The following LPP variants were observed in gnomAD, a reference collection of about 807,000 sequenced individuals.
LPP encodes lipoma-preferred partner.
A neutral mutation model predicts 60.4 loss-of-function variants in LPP; 38 were observed. The ratio of observed to expected loss-of-function variants is 0.63; its 90% CI spans 0.49 to 0.83. The LOEUF (loss-of-function observed/expected upper bound fraction) is 0.83. Among genes scored for constraint, LPP ranks in the 40% least tolerant of loss-of-function variants. The pLI, the probability that LPP is intolerant of heterozygous loss-of-function variation, is 0.00. For synonymous variants in LPP, 328 were observed against 290.8 expected (o/e 1.13, Z -1.30); for missense variants, 902 against 783.6 (o/e 1.15, Z -1.80).
intron 6 of LPP, among the ~76,000 whole-genome samples, chr3:188,532,438 A>G (rs1041486478): frequency 6.6e-6 from 1 of 152,158 alleles, no homozygotes; most frequent in Non-Finnish European, 1.5e-5. Context: ...CAATCAATCA[A>G]TCAATCAATC....
intron 5 of LPP, among the ~76,000 whole-genome samples, chr3:188,490,019 T>A (rs1301020487): frequency 2.0e-5 from 3 of 152,094 alleles, no homozygotes; most frequent in African/African-American, 7.2e-5. Context: ...AACAGAGGGG[T>A]TTTGTCCATT....
At chr3:188,203,478 T>TATATATTTTTAAATATATATAA (rs1560107202) in intron 1 of LPP, among the ~76,000 whole-genome samples, 14 of 91,080 alleles carry the variant, frequency 1.5e-4, no homozygotes, top group African/African-American at 5.7e-4. Flanking sequence ...TTTTTAAATA[T>TATATATTTTTAAATATATATAA]ATATATATTT....
At chr3:188,157,775 A>T (rs1371060399) in intron 1 of LPP, among the ~76,000 whole-genome samples, 4 of 151,956 alleles carry the variant, frequency 2.6e-5, no homozygotes, top group African/African-American at 9.7e-5. Context: ...GAGAAGGCTC[A>T]CCCTCAGGGA....
In LPP at chr3:188,877,350, T is replaced by C. The variant is rs1453794721; in HGVS notation, c.*2871T>C. ...ATCAGAGTCTATAACAGAAAGTTTG[T>C]AAAAATATACTGATTTTGAAAAGTA... On this transcript the variant is annotated 3_prime_UTR_variant, in exon 12 of 12. Coordinates refer to ENST00000617246, the MANE Select transcript of LPP (RefSeq NM_001375462.1). The C allele has an allele frequency of 5.5e-6, 1 of 181,028 alleles. No individual in the cohort carries two copies. The highest frequency in any genetic ancestry group is 9.1e-5 in the East Asian group (1 of 10,988). The allele number at this position is 181,028 out of a possible 1,614,324, so 11.2% of individuals were successfully genotyped here. A position where few individuals can be genotyped will look rare whatever the true frequency, so the allele number is the denominator to read the frequency against.
intron 6 of LPP, among the ~76,000 whole-genome samples, chr3:188,545,354 T>C (rs1826338331): frequency 6.6e-6 from 1 of 152,004 alleles, no homozygotes; most frequent in Non-Finnish European, 1.5e-5. Context: ...AATGTGTAGG[T>C]TGAGGCAAAA....
chr3:188,371,536 C>A (rs1773071407), intron 3 of LPP, among the ~76,000 whole-genome samples: 1 of 138,162 alleles, frequency 7.2e-6, no homozygotes, highest in African/African-American at 2.7e-5. Flanking sequence ...GGAAGAAAAA[C>A]ATCATATTAA....
intron 8 of LPP, among the ~76,000 whole-genome samples, chr3:188,724,267 C>A (rs888636425): frequency 6.6e-6 from 1 of 152,160 alleles, no homozygotes; most frequent in Non-Finnish European, 1.5e-5. Context: ...CAGCTCTTAA[C>A]CCCTGCATAT....
chr3:188,673,006 C>T (rs907131175), intron 7 of LPP, among the ~76,000 whole-genome samples: 1 of 151,298 alleles, frequency 6.6e-6, no homozygotes, highest in Admixed American at 6.6e-5. Context: ...ACTGAGAATC[C>T]CCAAGCTATA....
intron 4 of LPP, among the ~76,000 whole-genome samples, chr3:188,469,951 T>C (rs1801402131): frequency 6.6e-6 from 1 of 152,090 alleles, no homozygotes; most frequent in Non-Finnish European, 1.5e-5. Context: ...ATTTATACCA[T>C]CTGAAGAAAA....
At chr3:188,849,080 G>A (rs927355961) in intron 9 of LPP, among the ~76,000 whole-genome samples, 21 of 152,200 alleles carry the variant, frequency 1.4e-4, no homozygotes, top group African/African-American at 4.8e-4. Context: ...GAGGTAGAAG[G>A]CACAGCACCG....
chr3:188,175,855 T>A (rs543566350), intron 1 of LPP, among the ~76,000 whole-genome samples: 7 of 152,150 alleles, frequency 4.6e-5, no homozygotes, highest in Admixed American at 1.3e-4. Flanking sequence ...TTTTTTTTTT[T>A]AAATATAGTG....
intron 2 of LPP, among the ~76,000 whole-genome samples, chr3:188,290,948 C>T (rs951022349): frequency 3.3e-5 from 5 of 152,186 alleles, no homozygotes; most frequent in African/African-American, 4.8e-5. Context: ...CTCTAGAAAG[C>T]ATTGATATAA....
intron 6 of LPP, among the ~76,000 whole-genome samples, chr3:188,556,909 T>C (rs7638991): frequency 0.019 from 2,924 of 152,202 alleles, 89 homozygotes; most frequent in African/African-American, 0.063. Flanking sequence ...TGACTTAAAT[T>C]TCCTAAAATA....
intron 1 of LPP, among the ~76,000 whole-genome samples, chr3:188,188,562 G>A (rs778905194): frequency 2.0e-5 from 3 of 152,064 alleles, no homozygotes; most frequent in South Asian, 2.1e-4. Flanking sequence ...ATTGTTTCTC[G>A]GTGACTTTGG....
chr3:188,274,415 G>A (rs186057547), intron 2 of LPP, among the ~76,000 whole-genome samples: 1 of 152,280 alleles, frequency 6.6e-6, no homozygotes, highest in East Asian at 1.9e-4. Flanking sequence ...ATTTATTTTT[G>A]TACCTCTTTC....
chr3:188,862,741 G>GAAA (rs1560308504), intron 9 of LPP, among the ~76,000 whole-genome samples: 1 of 105,626 alleles, frequency 9.5e-6, no homozygotes, highest in African/African-American at 3.8e-5. Context: ...ATAAATAAAA[G>GAAA]AAAAAAGAAA....
intron 3 of LPP, among the ~76,000 whole-genome samples, chr3:188,403,755 G>C (rs1430574895): frequency 1.3e-5 from 2 of 152,080 alleles, no homozygotes; most frequent in East Asian, 3.9e-4. Context: ...GACATTCATT[G>C]GTAGTTTTTC....
chr3:188,535,201 C>G (rs983308031), intron 6 of LPP, among the ~76,000 whole-genome samples: 2 of 152,106 alleles, frequency 1.3e-5, no homozygotes, highest in Non-Finnish European at 2.9e-5. Context: ...TGTTGAGGTT[C>G]CAGACTGCAG....
At chr3:188,670,108 T>G (rs1288606294) in intron 7 of LPP, among the ~76,000 whole-genome samples, 3 of 152,006 alleles carry the variant, frequency 2.0e-5, no homozygotes, top group Non-Finnish European at 4.4e-5. Flanking sequence ...TGTTGGGGGT[T>G]GGGGAGAGGA....
Sources: allele counts gnomAD v4.1 joint callset (sites outside exome capture counted in the v4.1 genomes callset), GRCh38; gene constraint gnomAD v4.1.1; transcripts MANE v1.5; gene names NCBI Gene and HGNC (gene_info 2026-07-23, HGNC 2026-07-21).